The following SLC27A6 variants were observed in gnomAD, a reference collection of about 807,000 sequenced individuals.
SLC27A6 encodes long-chain fatty acid transport protein 6.
In SLC27A6, 74 loss-of-function variants were observed where a neutral mutation model predicts 63.9. The ratio of observed to expected loss-of-function variants is 1.16; its 90% CI spans 0.96 to 1.40. The LOEUF (loss-of-function observed/expected upper bound fraction) is 1.40, where lower values mean the gene tolerates loss of function less well. Among genes scored for constraint, SLC27A6 ranks in the 40% most tolerant of loss-of-function variants. The pLI, the probability that SLC27A6 is intolerant of heterozygous loss-of-function variation, is 0.00. For missense variants in SLC27A6, 794 were observed against 732.9 expected (o/e 1.08, Z -0.96); for synonymous variants, 287 against 260.8 (o/e 1.10, Z -0.97).
In SLC27A6 at chr5:129,027,146, T is replaced by G; in HGVS notation, c.1269T>G (p.Leu423=). Residue 423 remains leucine (L), a synonymous_variant, in exon 7 of 10, where the codon CTT becomes CTG. Transcript: ENST00000262462. ...CIHVKKGEPG[L]LISRVNAKNP... is the part of the protein sequence containing the mutation. The stretch of plus-strand genomic sequence containing the variant: ...TCTTTCTTGCAGGAGAACCTGGACT[T>G]CTCATTTCTCGAGTGAATGCAAAAA... 6.2e-7 allele frequency: 1 copy of G among 1,613,308 alleles called. No homozygotes were observed. Among genetic ancestry groups the G allele is most frequent in the Non-Finnish European group, 8.5e-7 (1 of 1,179,440 alleles).
At chr5:129,012,395 A>G (rs770067271) in intron 4 of SLC27A6, among the ~76,000 whole-genome samples, 12 of 151,912 alleles carry the variant, frequency 7.9e-5, no homozygotes, top group Non-Finnish European at 1.2e-4. Context: ...TGATCGATCT[A>G]TTTTGATAAA....
At position 128,983,811 on chromosome 5, in the gene SLC27A6, A is replaced by C. The variant is rs79195462; in HGVS notation, c.482-1322A>C. Reference sequence around the variant, plus strand: ...AAACAAGCGAAATTTATTTTCTCACAGTTCTGGGGGCTAGACATCCAAAAT... The same window carrying C: ...AAACAAGCGAAATTTATTTTCTCACCGTTCTGGGGGCTAGACATCCAAAAT... On this transcript the variant is annotated intron_variant, in intron 1 of 9. Coordinates refer to ENST00000262462, the MANE Select transcript of SLC27A6 (RefSeq NM_001017372.3). 3.7e-3 allele frequency among the ~76,000 whole-genome samples: 569 copies of C among 152,262 alleles called. 1 individual carries two copies. Among genetic ancestry groups the C allele is most frequent in the African/African-American group, 0.013 (534 of 41,556 alleles).
At chr5:128,997,344 C>A (rs976276931) in intron 4 of SLC27A6, among the ~76,000 whole-genome samples, 10 of 152,096 alleles carry the variant, frequency 6.6e-5, no homozygotes, top group African/African-American at 2.2e-4. Context: ...AAAGTAATCT[C>A]TCTTTCAAAA....
chr5:129,022,830 C>T (rs1428690393), intron 5 of SLC27A6, among the ~76,000 whole-genome samples: 1 of 151,976 alleles, frequency 6.6e-6, no homozygotes, highest in East Asian at 1.9e-4. Context: ...GTCTCAAAAA[C>T]AAACAAAACA....
In SLC27A6 at chr5:129,027,252, T is replaced by A. The variant is rs1367186787; in HGVS notation, c.1375T>A (p.Tyr459Asn). The change falls in exon 7 of 10, where the codon TAC becomes AAC. Residue 459 changes from tyrosine to asparagine, a missense_variant. Tyr to Asn is a moderately radical substitution (Grantham distance 143). Transcript: ENST00000262462. ...TGATGTTTTTAAGAAGGGAGATGTT[T>A]ACCTTAATACTGGAGACTTAATAGT... is the stretch of plus-strand genomic sequence containing the variant. ...LCDVFKKGDVYLNTGDLIVQD... is the reference protein window; with the variant it reads ...LCDVFKKGDVNLNTGDLIVQD... 1 of 1,613,226 alleles carries A rather than the reference T, an allele frequency of 6.2e-7. No homozygotes were observed. Among genetic ancestry groups the A allele is most frequent in the East Asian group, 2.2e-5 (1 of 44,852 alleles).
In SLC27A6 at chr5:129,016,561, A is replaced by G. The variant is rs527258426; in HGVS notation, c.1164+482A>G. On this transcript the variant is annotated intron_variant, in intron 5 of 9. Coordinates refer to ENST00000262462, the MANE Select transcript of SLC27A6 (RefSeq NM_001017372.3). ...AGTGTGAGAGACAGTGCTATAGGTTATGTGAACCTCAGTTATCTTCTGTAT... is the reference window on the plus strand; with the variant it reads ...AGTGTGAGAGACAGTGCTATAGGTTGTGTGAACCTCAGTTATCTTCTGTAT... Among the ~76,000 whole-genome samples, 13 of 151,234 alleles carry G rather than the reference A, an allele frequency of 8.6e-5. No homozygotes were observed. The South Asian group carries it at 2.7e-3, about 31-fold the overall frequency.
At chr5:129,015,195 TGTTA>T (rs1751851735) in intron 4 of SLC27A6, among the ~76,000 whole-genome samples, 3 of 152,208 alleles carry the variant, frequency 2.0e-5, no homozygotes, top group South Asian at 4.1e-4. Context: ...TAAAAGTTCA[TGTTA>T]GTTAAAACAT....
chr5:129,027,151 T>G lies in SLC27A6; in HGVS notation c.1274T>G (p.Ile425Ser). ...HVKKGEPGLL[I>S]SRVNAKNPFF... is the part of the protein sequence containing the mutation. Reference sequence around the variant, plus strand: ...CTTGCAGGAGAACCTGGACTTCTCATTTCTCGAGTGAATGCAAAAAATCCC... The same window carrying G: ...CTTGCAGGAGAACCTGGACTTCTCAGTTCTCGAGTGAATGCAAAAAATCCC... The change falls in exon 7 of 10, where the codon ATT (isoleucine) becomes AGT (serine). Residue 425 changes from isoleucine to serine, a missense_variant. Physicochemically the swap from Ile to Ser is moderately radical, Grantham distance 142. Transcript: ENST00000262462. 6.2e-7 allele frequency: 1 copy of G among 1,613,366 alleles called. No homozygotes were observed. The highest frequency in any genetic ancestry group is 8.5e-7 in the Non-Finnish European group (1 of 1,179,468).
At chr5:128,969,809 G>A (rs1351410242) in intron 1 of SLC27A6, among the ~76,000 whole-genome samples, 1 of 152,164 alleles carries the variant, frequency 6.6e-6, no homozygotes, top group African/African-American at 2.4e-5. Flanking sequence ...TGTTGAATAG[G>A]AGTGGTGAGA....
At chr5:128,979,822 G>T (rs375991107) in intron 1 of SLC27A6, among the ~76,000 whole-genome samples, 2 of 152,290 alleles carry the variant, frequency 1.3e-5, no homozygotes, top group East Asian at 1.9e-4. Context: ...TTAGAAACTT[G>T]TGTGCATATA....
At chr5:129,027,664 T>G (rs1282886123) in intron 7 of SLC27A6, among the ~76,000 whole-genome samples, 1 of 152,134 alleles carries the variant, frequency 6.6e-6, no homozygotes, top group African/African-American at 2.4e-5. Flanking sequence ...ATTCTTGGCC[T>G]AATGATAAAA....
At chr5:129,028,551 A>T (rs1043121967) in intron 8 of SLC27A6, 109 bp downstream of exon 8, 3 of 654,308 alleles carry the variant, frequency 4.6e-6, no homozygotes, top group Non-Finnish European at 5.1e-6. Flanking sequence ...GTGTATTAAG[A>T]TAAAGATTTT....
At chr5:128,978,361 G>T (rs1033284711) in intron 1 of SLC27A6, among the ~76,000 whole-genome samples, 1 of 152,140 alleles carries the variant, frequency 6.6e-6, no homozygotes, top group Non-Finnish European at 1.5e-5. Context: ...CCTTAAAAAA[G>T]TTACTTAATA....
intron 2 of SLC27A6, 89 bp downstream of exon 2, chr5:128,985,425 C>A: frequency 9.8e-7 from 1 of 1,022,630 alleles, no homozygotes; most frequent in Non-Finnish European, 1.5e-6. Context: ...GTGTAGTGAC[C>A]AACCATCTGA....
At chr5:128,968,243 G>C (rs1749987942) in intron 1 of SLC27A6, among the ~76,000 whole-genome samples, 1 of 152,160 alleles carries the variant, frequency 6.6e-6, no homozygotes, top group Non-Finnish European at 1.5e-5. Flanking sequence ...TGTCTTTATA[G>C]AGGCATGATT....
chr5:128,968,387 A>G (rs1182855806), intron 1 of SLC27A6, among the ~76,000 whole-genome samples: 1 of 152,112 alleles, frequency 6.6e-6, no homozygotes, highest in Non-Finnish European at 1.5e-5. Context: ...AACAGTGTCA[A>G]AGTGTTCCTA....
intron 5 of SLC27A6, among the ~76,000 whole-genome samples, chr5:129,018,890 T>G (rs184226050): frequency 9.9e-5 from 15 of 152,274 alleles, no homozygotes; most frequent in African/African-American, 3.4e-4. Flanking sequence ...GCCTAATACT[T>G]TATGACTTCT....
At chr5:128,998,687 A>G (rs1410818666) in intron 4 of SLC27A6, among the ~76,000 whole-genome samples, 2 of 152,132 alleles carry the variant, frequency 1.3e-5, no homozygotes, top group Admixed American at 6.6e-5. Flanking sequence ...ACATTTAAAA[A>G]CTTATGTCCA....
At chr5:129,032,757 G>A (rs1752451730) in intron 9 of SLC27A6, among the ~76,000 whole-genome samples, 1 of 151,746 alleles carries the variant, frequency 6.6e-6, no homozygotes, top group South Asian at 2.1e-4. Flanking sequence ...TGTCTTTTGT[G>A]GCTTTTATCT....
Sources: gnomAD v4.1 joint callset for allele counts (sites outside exome capture counted in the v4.1 genomes callset) on GRCh38, gnomAD v4.1.1 for gene constraint, MANE v1.5 for transcripts, NCBI Gene and HGNC (gene_info 2026-07-23, HGNC 2026-07-21) for gene names.